The following ALK variants were observed in gnomAD, a reference collection of about 807,000 sequenced individuals.
ALK encodes ALK receptor tyrosine kinase, also known as ALK tyrosine kinase receptor.
A neutral mutation model predicts 163.1 loss-of-function variants in ALK; 74 were observed. The observed-to-expected ratio is 0.45, with a 90% CI of 0.38 to 0.55. The LOEUF is 0.55. ALK is among the 20% of genes least tolerant of loss of function. The pLI, the probability that ALK is intolerant of heterozygous loss-of-function variation, is 0.00. For missense variants in ALK, 2,063 were observed against 2,105.3 expected, an observed-to-expected ratio of 0.98 and a Z score of 0.39; for synonymous variants, 960 against 843.2, an observed-to-expected ratio of 1.14 and a Z score of -2.40.
intron 4 of ALK, among the ~76,000 whole-genome samples, chr2:29,403,975 C>A (rs1297327771): frequency 2.6e-5 from 4 of 151,806 alleles, no homozygotes; most frequent in African/African-American, 9.7e-5. Flanking sequence ...GCACTGACAT[C>A]CTTGCATTTC....
intron 1 of ALK, among the ~76,000 whole-genome samples, chr2:29,760,229 A>G (rs1210094640): frequency 6.6e-6 from 1 of 151,838 alleles, no homozygotes; most frequent in Non-Finnish European, 1.5e-5. Context: ...CTATATACAC[A>G]CTTCCTTTTC....
intron 4 of ALK, among the ~76,000 whole-genome samples, chr2:29,394,032 G>A (rs1204814455): frequency 6.6e-6 from 1 of 152,166 alleles, no homozygotes; most frequent in Admixed American, 6.5e-5. Context: ...TGGATGAGGT[G>A]TTATGAATGT....
At chr2:29,785,291 C>G (rs1056069185) in intron 1 of ALK, among the ~76,000 whole-genome samples, 3 of 152,168 alleles carry the variant, frequency 2.0e-5, no homozygotes, top group Non-Finnish European at 4.4e-5. Context: ...GAGGTGGGAG[C>G]CATTTCAGCA....
intron 3 of ALK, among the ~76,000 whole-genome samples, chr2:29,632,124 C>G (rs1276415842): frequency 1.3e-5 from 2 of 152,164 alleles, no homozygotes; most frequent in Non-Finnish European, 2.9e-5. Context: ...CTCTCTCCCC[C>G]AGGATAGGTG....
At chr2:29,196,704 G>T (rs2148141537) in intron 28 of ALK, 66 bp downstream of exon 28, 2 of 1,136,150 alleles carry the variant, frequency 1.8e-6, no homozygotes, top group South Asian at 1.2e-5. Flanking sequence ...TCATATTTCG[G>T]TATTTGCCAT....
In ALK at chr2:29,542,018, A is replaced by G. The variant is rs1673426540; in HGVS notation, c.953-9902T>C. ...ATTCTTTTTGTAACTTCAAGATGGC[A>G]AATAAGCTTCTGCATCCCACTGAGG... On this transcript the variant is annotated intron_variant, in intron 3 of 28. Coordinates refer to ENST00000389048, the MANE Select transcript of ALK (RefSeq NM_004304.5). Among the ~76,000 whole-genome samples, 3 of 152,156 alleles carry G rather than the reference A, an allele frequency of 2.0e-5. No individual in the cohort carries two copies. The South Asian group carries it at 6.2e-4, about 32-fold the overall frequency.
intron 3 of ALK, among the ~76,000 whole-genome samples, chr2:29,649,258 G>C (rs952050936): frequency 1.6e-4 from 25 of 152,046 alleles, no homozygotes; most frequent in Non-Finnish European, 3.4e-4. Context: ...GCGTGCGTGT[G>C]TGTGTGTGTG....
At chr2:29,824,020 G>A (rs56033727) in intron 1 of ALK, among the ~76,000 whole-genome samples, 9,504 of 152,230 alleles carry the variant, frequency 0.062, 371 homozygotes, top group South Asian at 0.11. Flanking sequence ...AGGGTCCCAT[G>A]CTGTGTGCAG....
chr2:29,717,431 G>A lies in ALK; in HGVS notation c.787+147C>T. On this transcript the variant is annotated intron_variant, in intron 2 of 28. Coordinates refer to ENST00000389048, the MANE Select transcript of ALK (RefSeq NM_004304.5). Reference sequence around the variant, plus strand: ...GGTCCACGGGGTTGAGCGTCACTGGGAGACAGAGGGCTCAGAAAGACTTCT... The same window carrying A: ...GGTCCACGGGGTTGAGCGTCACTGGAAGACAGAGGGCTCAGAAAGACTTCT... 3.2e-6 allele frequency: 3 copies of A among 947,894 alleles called. No individual in the cohort carries two copies. The South Asian group carries it at 4.4e-5, about 14-fold the overall frequency. 58.7% of individuals were successfully genotyped at this position (947,894 alleles called of 1,614,324 possible).
chr2:29,471,367 G>C (rs1671342666), intron 4 of ALK, among the ~76,000 whole-genome samples: 1 of 152,152 alleles, frequency 6.6e-6, no homozygotes, highest in African/African-American at 2.4e-5. Context: ...TCTCTTATTA[G>C]CATAGATGCA....
intron 3 of ALK, among the ~76,000 whole-genome samples, chr2:29,666,220 A>G (rs1677508916): frequency 6.6e-6 from 1 of 152,180 alleles, no homozygotes; most frequent in African/African-American, 2.4e-5. Context: ...CTTATTGCTC[A>G]TAATTCCATT....
chr2:29,909,847 G>C (rs1367729354), intron 1 of ALK, among the ~76,000 whole-genome samples: 1 of 152,036 alleles, frequency 6.6e-6, no homozygotes, highest in Non-Finnish European at 1.5e-5. Flanking sequence ...CTCAAACAAA[G>C]CTTGACAATA....
intron 1 of ALK, among the ~76,000 whole-genome samples, chr2:29,900,613 G>T (rs540891936): frequency 2.0e-5 from 3 of 152,198 alleles, no homozygotes; most frequent in Admixed American, 1.3e-4. Flanking sequence ...ATGTCTATCC[G>T]CAGTCAAAAT....
intron 4 of ALK, among the ~76,000 whole-genome samples, chr2:29,521,525 G>C (rs1026168760): frequency 6.6e-6 from 1 of 152,190 alleles, no homozygotes; most frequent in Non-Finnish European, 1.5e-5. Flanking sequence ...CTTCACTAAG[G>C]CTCTGAACCA....
At chr2:29,468,130 G>A (rs902474722) in intron 4 of ALK, among the ~76,000 whole-genome samples, 1 of 151,994 alleles carries the variant, frequency 6.6e-6, no homozygotes, top group Non-Finnish European at 1.5e-5. Context: ...CCGGGTTCAA[G>A]TGATTCTCTT....
chr2:29,723,763 A>G (rs547254689), intron 1 of ALK, among the ~76,000 whole-genome samples: 26 of 152,340 alleles, frequency 1.7e-4, no homozygotes, highest in African/African-American at 6.3e-4. Context: ...AGTATCAGTC[A>G]TATCATTCTT....
At chr2:29,497,354 G>A (rs997033165) in intron 4 of ALK, among the ~76,000 whole-genome samples, 14 of 151,958 alleles carry the variant, frequency 9.2e-5, no homozygotes, top group Admixed American at 3.3e-4. Context: ...CCAGGTCTGC[G>A]TACCACTCCC....
chr2:29,508,003 T>C (rs1360713015), intron 4 of ALK, among the ~76,000 whole-genome samples: 2 of 152,192 alleles, frequency 1.3e-5, no homozygotes, highest in Admixed American at 6.5e-5. Flanking sequence ...TATTCATGAC[T>C]TACATGTCTT....
chr2:29,786,741 T>C (rs1029995721), intron 1 of ALK, among the ~76,000 whole-genome samples: 9 of 152,212 alleles, frequency 5.9e-5, no homozygotes, highest in Admixed American at 2.0e-4. Context: ...TGAGTTTACA[T>C]AGACAAATGT....
Sources: allele counts gnomAD v4.1 joint callset (sites outside exome capture counted in the v4.1 genomes callset), GRCh38; gene constraint gnomAD v4.1.1; transcripts MANE v1.5; gene names NCBI Gene and HGNC (gene_info 2026-07-23, HGNC 2026-07-21).